Variants in BFAR observed in about 807,000 individuals in gnomAD.
The protein encoded by BFAR is bifunctional apoptosis regulator, also known as RING finger protein 47.
A neutral mutation model predicts 54.4 loss-of-function variants in BFAR; 52 were observed. That is an observed-to-expected ratio of 0.96 (90% CI 0.77 to 1.21). The LOEUF (loss-of-function observed/expected upper bound fraction) is 1.21. Ranked by LOEUF, BFAR falls within the 50% of genes most tolerant of loss-of-function variation. The pLI is 0.00. For synonymous variants in BFAR, 215 were observed against 204.3 expected (o/e 1.05, Z -0.45); for missense variants, 571 against 534.0 (o/e 1.07, Z -0.68).
At position 14,661,888 on chromosome 16, in the gene BFAR, G is replaced by T. The variant is rs758002236; in HGVS notation, c.784-4G>T. 1 of 1,614,020 alleles carries T rather than the reference G, an allele frequency of 6.2e-7. No homozygotes were observed. The highest frequency in any genetic ancestry group is 2.2e-5 in the East Asian group (1 of 44,866). ...ATGTGGCCCTGTACTCTTCTCCTCT[G>T]CAGGCTGTGAACCCAGGCAGGTCCC... is the stretch of plus-strand genomic sequence containing the variant. On this transcript the variant is annotated splice_region_variant and splice_polypyrimidine_tract_variant and intron_variant, in intron 5 of 7. Coordinates refer to ENST00000261658, the MANE Select transcript of BFAR (RefSeq NM_016561.3).
Position 14,656,417 on chromosome 16 carries a change from G to A in BFAR, c.783+1207G>A, listed in dbSNP as rs546528674. 1.1e-4 allele frequency among the ~76,000 whole-genome samples: 16 copies of A among 151,902 alleles called. No homozygotes were observed. In the East Asian group the frequency reaches 1.7e-3, roughly 17 times the overall value. ...GAGTGTGGTGATGCCAGCCATTTGC[G>A]AGGCTGAGGCTGCGCTAAACCATGA... On this transcript the variant is annotated intron_variant, in intron 5 of 7. Coordinates refer to ENST00000261658, the MANE Select transcript of BFAR (RefSeq NM_016561.3).
intron 4 of BFAR, among the ~76,000 whole-genome samples, chr16:14,650,903 C>T (rs1959949561): frequency 6.6e-6 from 1 of 152,172 alleles, no homozygotes; most frequent in South Asian, 2.1e-4. Flanking sequence ...GTTTAACTGT[C>T]AAACTATTTT....
chr16:14,644,162 CAAA>C (rs368944439), intron 1 of BFAR, 109 bp from the exon 2 acceptor site: 1,613 of 497,092 alleles, frequency 3.2e-3, no homozygotes, highest in Non-Finnish European at 3.4e-3. Flanking sequence ...GACTGTGTCT[CAAA>C]AAAAAAAAAA....
Position 14,665,049 on chromosome 16 carries a change from A to C in BFAR, c.1138A>C (p.Ile380Leu). The change falls in exon 7 of 8, where the codon ATC becomes CTC. Residue 380 changes from isoleucine (I) to leucine (L), a missense_variant. Coordinates refer to ENST00000261658, the MANE Select transcript of BFAR (RefSeq NM_016561.3). ...SVLELFSFWR[I>L]WSRSELKTVP... is the part of the protein sequence containing the mutation. ...TCTGGAATTATTCTCCTTTTGGAGAATCTGGTCGAGAAGTGAACTGAAGTA... is the reference window on the plus strand; with the variant it reads ...TCTGGAATTATTCTCCTTTTGGAGACTCTGGTCGAGAAGTGAACTGAAGTA... 2 of 1,613,762 alleles carry C rather than the reference A, an allele frequency of 1.2e-6. No homozygotes were observed. Among genetic ancestry groups the C allele is most frequent in the Non-Finnish European group, 1.7e-6 (2 of 1,179,656 alleles).
intron 1 of BFAR, among the ~76,000 whole-genome samples, chr16:14,639,127 C>G (rs1268143349): frequency 6.6e-6 from 1 of 152,048 alleles, no homozygotes; most frequent in Admixed American, 6.6e-5. Flanking sequence ...GATGATCATT[C>G]AAATTCACCA....
chr16:14,649,937 A>G lies in BFAR; in HGVS notation c.602A>G (p.Tyr201Cys), dbSNP rs1044700375. The change falls in exon 4 of 8, where the codon TAC becomes TGC. Residue 201 changes from tyrosine (Y) to cysteine (C), a missense_variant. Transcript: ENST00000261658. The stretch of plus-strand genomic sequence containing the variant: ...CAGCTGGGCCCTTGGGCATCTCTTT[A>G]CAGGGAAAGGTTTTTATCTGAACGA... ...LEQLGPWASL[Y>C]RERFLSERVN... The G allele has an allele frequency of 3.1e-6, 5 of 1,613,016 alleles. No individual in the cohort carries two copies. The highest frequency in any genetic ancestry group is 4.2e-6 in the Non-Finnish European group (5 of 1,179,482).
intron 1 of BFAR, among the ~76,000 whole-genome samples, chr16:14,634,369 T>C (rs1426093675): frequency 1.3e-5 from 2 of 152,248 alleles, no homozygotes; most frequent in East Asian, 1.9e-4. Flanking sequence ...AGACATTGTA[T>C]TTCTCCAGGG....
chr16:14,643,317 A>T (rs1358574779), intron 1 of BFAR, among the ~76,000 whole-genome samples: 4 of 152,234 alleles, frequency 2.6e-5, no homozygotes, highest in Non-Finnish European at 5.9e-5. Context: ...CTCAAAAAAA[A>T]AAAAAGGAAA....
In BFAR at chr16:14,665,143, T is replaced by G. The variant is rs1960408665; in HGVS notation, c.1160+72T>G. ...ACCAAGTGAGAGAAAGATCCTCTTT[T>G]ATTTCTCACACTTGAAATAAATCCT... On this transcript the variant is annotated intron_variant, in intron 7 of 7. Coordinates refer to ENST00000261658, the MANE Select transcript of BFAR (RefSeq NM_016561.3). 11 of 1,388,330 alleles carry G rather than the reference T, an allele frequency of 7.9e-6. No homozygotes were observed. The East Asian group carries it at 2.1e-4, about 27-fold the overall frequency. 86.0% of individuals were successfully genotyped at this position (1,388,330 alleles called of 1,614,324 possible). A position where few individuals can be genotyped will look rare whatever the true frequency, so the allele number is the denominator to read the frequency against.
At chr16:14,665,136 C>G (rs115663765) in intron 7 of BFAR, 65 bp downstream of exon 7, 1 of 1,427,280 alleles carries the variant, frequency 7.0e-7, no homozygotes, top group African/African-American at 1.4e-5. Flanking sequence ...AGAGAAAGAT[C>G]CTCTTTTATT....
chr16:14,656,601 C>G (rs1960135721), intron 5 of BFAR, among the ~76,000 whole-genome samples: 1 of 152,178 alleles, frequency 6.6e-6, no homozygotes, highest in Non-Finnish European at 1.5e-5. Context: ...CTGTTTCCTC[C>G]TGGGTAAATA....
At chr16:14,645,333 AAG>A (rs1959761103) in intron 2 of BFAR, among the ~76,000 whole-genome samples, 1 of 152,104 alleles carries the variant, frequency 6.6e-6, no homozygotes, top group African/African-American at 2.4e-5. Flanking sequence ...GAAAGAAAGA[AAG>A]AAAGCAAATG....
chr16:14,667,364 A>G, intron 7 of BFAR: 1 of 449,232 alleles, frequency 2.2e-6, no homozygotes, highest in African/African-American at 1.9e-5. Flanking sequence ...AAATATGTAA[A>G]TGTAACAAAG....
In BFAR at chr16:14,668,242, G is replaced by GGGCCT. The variant is rs1447406317; in HGVS notation, c.*422_*426dup. ...TCAGAGCCTGAGACCAGGTTTATTG[G>GGGCCT]GGCCTGGCCTGTCCTCTAAGTCAAG... On this transcript the variant is annotated 3_prime_UTR_variant, in exon 8 of 8. Transcript: ENST00000261658. 1 of 188,186 alleles carries GGGCCT rather than the reference G, an allele frequency of 5.3e-6. No individual in the cohort carries two copies. Among genetic ancestry groups the GGGCCT allele is most frequent in the African/African-American group, 2.3e-5 (1 of 42,980 alleles). The allele number at this position is 188,186 out of a possible 1,614,324, so 11.7% of individuals were successfully genotyped here.
At chr16:14,652,374 A>G (rs923516843) in intron 4 of BFAR, among the ~76,000 whole-genome samples, 1 of 149,952 alleles carries the variant, frequency 6.7e-6, no homozygotes, top group Non-Finnish European at 1.5e-5. Context: ...TCCACCTCCC[A>G]GTTTTGGGTG....
intron 1 of BFAR, among the ~76,000 whole-genome samples, chr16:14,635,028 T>G (rs1959388531): frequency 6.6e-6 from 1 of 152,090 alleles, no homozygotes; most frequent in South Asian, 2.1e-4. Context: ...AAGGGAACAA[T>G]GTGAGGATAA....
Position 14,662,004 on chromosome 16 carries a change from TCCA to T in BFAR, c.898_900del (p.His300del). 6.2e-7 allele frequency: 1 copy of T among 1,614,156 alleles called. No homozygotes were observed. Among genetic ancestry groups the T allele is most frequent in the Non-Finnish European group, 8.5e-7 (1 of 1,180,034 alleles). On this transcript the variant is annotated inframe_deletion, in exon 6 of 8. Coordinates refer to ENST00000261658, the MANE Select transcript of BFAR (RefSeq NM_016561.3). ...TACACCGACACCTTCCTACCTTTCA[TCCA>T]CACCATCTGCCCTCTGCAAGAAGAC...
At chr16:14,644,010 A>G (rs1021828133) in intron 1 of BFAR, among the ~76,000 whole-genome samples, 4 of 151,822 alleles carry the variant, frequency 2.6e-5, no homozygotes, top group Admixed American at 2.6e-4. Context: ...AAAAATATGA[A>G]AAATTAGCTG....
rs1596984733 is a variant in BFAR, at chr16:14,654,974, C to T, written c.639-92C>T. 3 of 1,299,352 alleles carry T rather than the reference C, an allele frequency of 2.3e-6. No individual in the cohort carries two copies. In the East Asian group the frequency reaches 7.6e-5, roughly 33 times the overall value. The allele number at this position is 1,299,352 out of a possible 1,614,324, so 80.5% of individuals were successfully genotyped here. On this transcript the variant is annotated intron_variant, in intron 4 of 7. Transcript: ENST00000261658. ...AATGTCTCACCATACCTCAAGCCTA[C>T]AATATTTATATTAGTAAGATGGAAC... is the stretch of plus-strand genomic sequence containing the variant.
Sources: gnomAD v4.1 joint callset for allele counts (sites outside exome capture counted in the v4.1 genomes callset) on GRCh38, gnomAD v4.1.1 for gene constraint, MANE v1.5 for transcripts, NCBI Gene and HGNC (gene_info 2026-07-23, HGNC 2026-07-21) for gene names.